RIPOR3: variants seen among roughly 807,000 people sequenced by gnomAD.
RIPOR3 encodes RIPOR family member 3.
RIPOR3 carries 95 observed loss-of-function variants against 114.3 expected under a neutral mutation model. The ratio of observed to expected loss-of-function variants is 0.83; its 90% CI spans 0.70 to 0.99. RIPOR3 has a LOEUF of 0.99. RIPOR3 is among the 50% of genes least tolerant of loss of function. The pLI is 0.00. For missense variants in RIPOR3, 1,252 were observed against 1,266.9 expected (o/e 0.99, Z 0.18); for synonymous variants, 575 against 543.8 (o/e 1.06, Z -0.80).
At position 50,635,522 on chromosome 20, in the gene RIPOR3, C is replaced by T. The variant is rs548113024; in HGVS notation, c.4-4666G>A. On this transcript the variant is annotated intron_variant, in intron 1 of 21. Transcript: ENST00000327979. ...TACAAAAATTACCCAGATGTGGTGG[C>T]GTGCACCTGTAGTCGAGCTACTGCG... Among the ~76,000 whole-genome samples, 7 of 152,166 alleles carry T rather than the reference C, an allele frequency of 4.6e-5. No homozygotes were observed. In the East Asian group the frequency reaches 1.2e-3, roughly 25 times the overall value.
chr20:50,638,964 G>T (rs528643081), intron 1 of RIPOR3, among the ~76,000 whole-genome samples: 5 of 152,146 alleles, frequency 3.3e-5, no homozygotes, highest in Non-Finnish European at 5.9e-5. Context: ...GAAACAGGCC[G>T]GGCGCAGTGG....
intron 16 of RIPOR3, chr20:50,595,057 T>A (rs910281451): frequency 6.2e-6 from 3 of 482,980 alleles, no homozygotes; most frequent in African/African-American, 5.8e-5. Flanking sequence ...GCACCTTGAA[T>A]GTGGCCTGGG....
intron 1 of RIPOR3, among the ~76,000 whole-genome samples, chr20:50,684,501 G>T (rs968170492): frequency 2.6e-5 from 4 of 152,240 alleles, no homozygotes; most frequent in Admixed American, 6.5e-5. Flanking sequence ...CTTTGCCTGT[G>T]CTCTGGGCAA....
chr20:50,621,265 T>G (rs13042617), intron 2 of RIPOR3, among the ~76,000 whole-genome samples: 2,327 of 152,358 alleles, frequency 0.015, 22 homozygotes, highest in Non-Finnish European at 0.024. Context: ...GGCCAAGTCA[T>G]AGTCCTGTGC....
intron 1 of RIPOR3, among the ~76,000 whole-genome samples, chr20:50,688,509 A>AT (rs1873698754): frequency 6.6e-6 from 1 of 152,176 alleles, no homozygotes; most frequent in Non-Finnish European, 1.5e-5. Context: ...ATATAATTTA[A>AT]TTTTTAACAA....
chr20:50,627,167 G>C (rs1313873797), intron 2 of RIPOR3, among the ~76,000 whole-genome samples: 2 of 151,700 alleles, frequency 1.3e-5, no homozygotes, highest in Non-Finnish European at 2.9e-5. Flanking sequence ...GACAGAGCAA[G>C]ACTCTGTCTC....
intron 4 of RIPOR3, 87 bp downstream of exon 4, chr20:50,615,915 G>T: frequency 7.7e-7 from 1 of 1,293,784 alleles, no homozygotes; most frequent in Non-Finnish European, 1.1e-6. Context: ...GAGTCACACC[G>T]TGACATAGGC....
At chr20:50,623,449 G>A (rs1368444818) in intron 2 of RIPOR3, among the ~76,000 whole-genome samples, 1 of 152,036 alleles carries the variant, frequency 6.6e-6, no homozygotes. Flanking sequence ...AGCAAAGGTG[G>A]AGAATGGGAC....
At chr20:50,673,087 T>A (rs2086575467) in intron 1 of RIPOR3, among the ~76,000 whole-genome samples, 1 of 152,218 alleles carries the variant, frequency 6.6e-6, no homozygotes, top group Non-Finnish European at 1.5e-5. Flanking sequence ...AGAAGGCTCC[T>A]ACCTGCTGTG....
intron 2 of RIPOR3, chr20:50,620,920 G>A: frequency 1.8e-6 from 1 of 569,854 alleles, no homozygotes; most frequent in Non-Finnish European, 3.4e-6. Flanking sequence ...CCCTGTACAA[G>A]CAGCATGCTA....
intron 4 of RIPOR3, among the ~76,000 whole-genome samples, chr20:50,613,603 T>C (rs2084050865): frequency 6.6e-6 from 1 of 152,220 alleles, no homozygotes; most frequent in African/African-American, 2.4e-5. Context: ...GGACTCGACA[T>C]GGGCATCTTG....
intron 17 of RIPOR3, among the ~76,000 whole-genome samples, chr20:50,593,687 G>A (rs963229381): frequency 1.3e-5 from 2 of 152,058 alleles, no homozygotes; most frequent in Non-Finnish European, 2.9e-5. Flanking sequence ...AACTCACCCT[G>A]AGTCAGACCG....
intron 1 of RIPOR3, among the ~76,000 whole-genome samples, chr20:50,655,473 G>A (rs934052351): frequency 1.3e-5 from 2 of 152,202 alleles, no homozygotes; most frequent in Non-Finnish European, 1.5e-5. Context: ...GCGCGCTGAC[G>A]ACAGCTGCAC....
At position 50,589,730 on chromosome 20, in the gene RIPOR3, C is replaced by T. The variant is rs201535929; in HGVS notation, c.2617G>A (p.Ala873Thr). ...FYTNALAEND[A>T]RLQQAACLAL... ...AGGCATGCGGCCTGCTGGAGCCTTG[C>T]GTCGTTCTCTGCCAGGGCGTTGGTG... Residue 873 changes from alanine (A) to threonine (T), a missense_variant, in exon 20 of 22, where the codon GCA (alanine) becomes ACA (threonine). Physicochemically the swap from Ala to Thr is moderately conservative, Grantham distance 58. Coordinates refer to ENST00000327979, the MANE Select transcript of RIPOR3 (RefSeq NM_001290268.2). 9.7e-5 allele frequency: 157 copies of T among 1,613,824 alleles called. No homozygotes were observed. Among genetic ancestry groups the T allele is most frequent in the East Asian group, 1.3e-4 (6 of 44,870 alleles).
chr20:50,652,343 C>T (rs2085640421), intron 1 of RIPOR3, among the ~76,000 whole-genome samples: 2 of 152,140 alleles, frequency 1.3e-5, no homozygotes, highest in African/African-American at 4.8e-5. Context: ...ATAATCCCAG[C>T]ACTTTGGGAG....
intron 1 of RIPOR3, among the ~76,000 whole-genome samples, chr20:50,661,409 T>G (rs73912204): frequency 0.012 from 1,797 of 152,124 alleles, 46 homozygotes; most frequent in African/African-American, 0.042. Flanking sequence ...AAAATAAACA[T>G]CTCCATAGCC....
chr20:50,587,155 C>T lies in RIPOR3; in HGVS notation c.*77G>A, dbSNP rs1002498739. The T allele has an allele frequency of 2.7e-6, 3 of 1,117,576 alleles. No individual in the cohort carries two copies. Among genetic ancestry groups the T allele is most frequent in the African/African-American group, 1.5e-5 (1 of 65,166 alleles). The allele number at this position is 1,117,576 out of a possible 1,614,324, so 69.2% of individuals were successfully genotyped here. Reference sequence around the variant, plus strand: ...CTGGAGGAGTGCACAGCACCATTACCCAGAGTGCAGGCTATGTCCAGGCTG... The same window carrying T: ...CTGGAGGAGTGCACAGCACCATTACTCAGAGTGCAGGCTATGTCCAGGCTG... On this transcript the variant is annotated 3_prime_UTR_variant, in exon 22 of 22. Coordinates refer to ENST00000327979, the MANE Select transcript of RIPOR3 (RefSeq NM_001290268.2).
intron 1 of RIPOR3, among the ~76,000 whole-genome samples, chr20:50,648,345 A>T (rs2085489920): frequency 6.6e-6 from 1 of 151,102 alleles, no homozygotes; most frequent in Non-Finnish European, 1.5e-5. Flanking sequence ...AAAAAAAAAA[A>T]ATACTACAAA....
rs1254361650 is a variant in RIPOR3 at position 50,597,395 on chromosome 20, G to A, written c.1790+185C>T. ...TCTCACCCACTTCGTGGTCTCTGAG[G>A]ACCGGCTCTGAGGCAAGTGGGGGAT... On this transcript the variant is annotated intron_variant, in intron 14 of 21. Coordinates refer to ENST00000327979, the MANE Select transcript of RIPOR3 (RefSeq NM_001290268.2). The A allele has an allele frequency of 4.8e-5, 40 of 836,310 alleles. 2 individuals carry two copies. The highest frequency in any genetic ancestry group is 7.3e-4 in the Middle Eastern group (2 of 2,744). 51.8% of individuals were successfully genotyped at this position (836,310 alleles called of 1,614,324 possible).
Sources: allele counts gnomAD v4.1 joint callset (sites outside exome capture counted in the v4.1 genomes callset), GRCh38; gene constraint gnomAD v4.1.1; transcripts MANE v1.5; gene names NCBI Gene and HGNC (gene_info 2026-07-23, HGNC 2026-07-21).